The following COL24A1 variants were observed in gnomAD, a reference collection of about 807,000 sequenced individuals.
COL24A1 encodes the protein collagen alpha-1(XXIV) chain.
A neutral mutation model predicts 253.9 loss-of-function variants in COL24A1; 224 were observed. The ratio of observed to expected loss-of-function variants is 0.88; its 90% CI spans 0.79 to 0.99. COL24A1 has a LOEUF of 0.99. COL24A1 is among the 50% of genes least tolerant of loss of function. The pLI, the probability that COL24A1 is intolerant of heterozygous loss-of-function variation, is 0.00. For missense variants in COL24A1, 2,131 were observed against 2,068.5 expected (o/e 1.03, Z -0.59); for synonymous variants, 685 against 673.7 (o/e 1.02, Z -0.26).
chr1:86,145,124 A>G (rs901260709), intron 2 of COL24A1, among the ~76,000 whole-genome samples: 1 of 152,090 alleles, frequency 6.6e-6, no homozygotes, highest in African/African-American at 2.4e-5. Context: ...CTACTTGTCA[A>G]TTTGGTCAAC....
intron 7 of COL24A1, among the ~76,000 whole-genome samples, chr1:86,071,578 A>T (rs1201930222): frequency 6.6e-6 from 1 of 152,192 alleles, no homozygotes; most frequent in African/African-American, 2.4e-5. Context: ...ATGGAAACGA[A>T]AAAAGAGCAA....
chr1:86,140,751 C>T (rs964736970), intron 2 of COL24A1, among the ~76,000 whole-genome samples: 21 of 152,182 alleles, frequency 1.4e-4, no homozygotes, highest in African/African-American at 5.1e-4. Context: ...CCCACCAACA[C>T]AGACAAAGTA....
At chr1:85,947,698 G>A (rs775616805) in intron 24 of COL24A1, among the ~76,000 whole-genome samples, 1 of 152,182 alleles carries the variant, frequency 6.6e-6, no homozygotes, top group African/African-American at 2.4e-5. Flanking sequence ...ATCACATTAC[G>A]AAGACTTTAC....
intron 12 of COL24A1, among the ~76,000 whole-genome samples, chr1:86,039,779 C>T (rs1275563552): frequency 2.6e-5 from 4 of 152,098 alleles, no homozygotes; most frequent in African/African-American, 7.2e-5. Flanking sequence ...ATACATATTA[C>T]CAGGAAATTC....
chr1:85,773,190 T>C (rs936431062), intron 53 of COL24A1, among the ~76,000 whole-genome samples: 2 of 152,076 alleles, frequency 1.3e-5, no homozygotes, highest in African/African-American at 2.4e-5. Flanking sequence ...AGATGTGTGG[T>C]GTTATTTCTG....
At chr1:86,118,123 C>T (rs10873747) in intron 3 of COL24A1, among the ~76,000 whole-genome samples, 114,589 of 150,958 alleles carry the variant, frequency 0.76, 43,470 homozygotes, top group Middle Eastern at 0.86. Flanking sequence ...AGTATAGTGG[C>T]GTGATCTCGG....
At chr1:85,920,608 T>G (rs1686353934) in intron 24 of COL24A1, among the ~76,000 whole-genome samples, 1 of 152,072 alleles carries the variant, frequency 6.6e-6, no homozygotes. Context: ...ATCACTGTGT[T>G]TAATGTGTAG....
intron 13 of COL24A1, 52 bp downstream of exon 13, chr1:86,033,818 T>C (rs1698782480): frequency 2.0e-6 from 3 of 1,497,222 alleles, no homozygotes; most frequent in South Asian, 2.4e-5. Flanking sequence ...TGCAGTGCTA[T>C]GAAGTATGAA....
intron 21 of COL24A1, among the ~76,000 whole-genome samples, chr1:85,970,990 A>G (rs1175729491): frequency 6.6e-6 from 1 of 152,136 alleles, no homozygotes; most frequent in African/African-American, 2.4e-5. Flanking sequence ...AGGTGGGAGG[A>G]CTGCTTGAGG....
intron 37 of COL24A1, among the ~76,000 whole-genome samples, chr1:85,850,439 C>T (rs1677630674): frequency 6.6e-6 from 1 of 152,276 alleles, no homozygotes; most frequent in South Asian, 2.1e-4. Context: ...ATACCCTATG[C>T]TCCTGAGAAA....
intron 28 of COL24A1, among the ~76,000 whole-genome samples, chr1:85,904,218 C>T (rs917486197): frequency 6.6e-6 from 1 of 152,152 alleles, no homozygotes; most frequent in African/African-American, 2.4e-5. Context: ...TTGTATGCCT[C>T]TATACTGCCC....
chr1:85,833,116 A>G (rs962124588), intron 43 of COL24A1, among the ~76,000 whole-genome samples: 102 of 152,282 alleles, frequency 6.7e-4, no homozygotes, highest in Non-Finnish European at 1.2e-3. Flanking sequence ...TACCTAATTA[A>G]TGGAGAGTTT....
intron 57 of COL24A1, among the ~76,000 whole-genome samples, chr1:85,741,610 A>T (rs556040595): frequency 1.3e-5 from 2 of 152,280 alleles, no homozygotes; most frequent in East Asian, 3.9e-4. Context: ...TACCTCCTGA[A>T]GCCACCAAGC....
chr1:85,784,823 T>C (rs1007632030), intron 48 of COL24A1, among the ~76,000 whole-genome samples: 9 of 152,086 alleles, frequency 5.9e-5, no homozygotes, highest in African/African-American at 2.2e-4. Context: ...CTTAAACTCC[T>C]GGGCTCAAGC....
At chr1:86,149,179 G>T (rs1045358761) in intron 1 of COL24A1, among the ~76,000 whole-genome samples, 2 of 152,162 alleles carry the variant, frequency 1.3e-5, no homozygotes, top group East Asian at 3.8e-4. Flanking sequence ...ACAGGCATGA[G>T]CCACCATGCC....
intron 5 of COL24A1, among the ~76,000 whole-genome samples, chr1:86,107,451 C>T (rs1434410995): frequency 6.6e-6 from 1 of 152,102 alleles, no homozygotes; most frequent in African/African-American, 2.4e-5. Context: ...CTAAGAAAAT[C>T]GGTTTCACAA....
intron 55 of COL24A1, among the ~76,000 whole-genome samples, chr1:85,746,470 C>T (rs74097086): frequency 0.035 from 5,343 of 152,082 alleles, 314 homozygotes; most frequent in African/African-American, 0.12. Context: ...AAGAAACTTG[C>T]CCTTATGGAA....
Position 85,783,543 on chromosome 1 carries a change from C to T in COL24A1, c.4237G>A (p.Ala1413Thr). 6.2e-7 allele frequency: 1 copy of T among 1,613,334 alleles called. No homozygotes were observed. Among genetic ancestry groups the T allele is most frequent in the South Asian group, 1.1e-5 (1 of 91,062 alleles). The change falls in exon 51 of 60, where the codon GCT (alanine) becomes ACT (threonine). Residue 1413 changes from alanine (A) to threonine (T), a missense_variant. Ala to Thr is a moderately conservative substitution (Grantham distance 58, BLOSUM62 0). Transcript: ENST00000370571. ...GGACCTGATATCCCAACAATGCCAG[C>T]ATCCCCTTCAGGACCCTAGACATAC... is the stretch of plus-strand genomic sequence containing the variant. Reference protein sequence around the residue: ...FPGPKGPEGDAGIVGISGPKG... With the variant: ...FPGPKGPEGDTGIVGISGPKG...
chr1:86,053,359 C>T (rs1700453273), intron 10 of COL24A1, among the ~76,000 whole-genome samples: 1 of 152,010 alleles, frequency 6.6e-6, no homozygotes, highest in African/African-American at 2.4e-5. Flanking sequence ...GTAAAGGGAA[C>T]ATTTTACAAT....
Sources: gnomAD v4.1 joint callset for allele counts (sites outside exome capture counted in the v4.1 genomes callset) on GRCh38, gnomAD v4.1.1 for gene constraint, MANE v1.5 for transcripts, NCBI Gene and HGNC (gene_info 2026-07-23, HGNC 2026-07-21) for gene names.